SORCS1: variants seen among roughly 807,000 people sequenced by gnomAD.
SORCS1 encodes the protein sortilin related VPS10 domain containing receptor 1.
Under a neutral mutation model 146.1 loss-of-function variants are expected in SORCS1, and 60 were observed. The ratio of observed to expected loss-of-function variants is 0.41; its 90% CI spans 0.33 to 0.51. The LOEUF is 0.51. SORCS1 is among the 20% of genes least tolerant of loss of function. The pLI, the probability that SORCS1 is intolerant of heterozygous loss-of-function variation, is 0.21. For synonymous variants in SORCS1, 637 were observed against 584.0 expected, an observed-to-expected ratio of 1.09 and a Z score of -1.31; for missense variants, 1,352 against 1,487.6, an observed-to-expected ratio of 0.91 and a Z score of 1.50.
intron 1 of SORCS1, among the ~76,000 whole-genome samples, chr10:106,971,641 A>G (rs1435576588): frequency 6.6e-6 from 1 of 152,250 alleles, no homozygotes; most frequent in East Asian, 1.9e-4. Context: ...GAGTAGTTGT[A>G]AAACATGTCT....
intron 1 of SORCS1, among the ~76,000 whole-genome samples, chr10:107,066,856 T>C (rs1961917611): frequency 6.6e-6 from 1 of 152,196 alleles, no homozygotes. Context: ...GAAAATCATC[T>C]TTCTAGCCAT....
At chr10:106,806,880 C>T (rs1216030602) in intron 3 of SORCS1, among the ~76,000 whole-genome samples, 34 of 151,998 alleles carry the variant, frequency 2.2e-4, no homozygotes, top group Admixed American at 2.2e-3. Context: ...TGCATAATTG[C>T]TTGGCTCTTT....
At chr10:106,614,814 G>A (rs1438417111) in intron 21 of SORCS1, among the ~76,000 whole-genome samples, 5 of 152,274 alleles carry the variant, frequency 3.3e-5, no homozygotes, top group Admixed American at 2.6e-4. Flanking sequence ...GATGCGTGTG[G>A]GCGGACTGAA....
chr10:106,926,008 A>C (rs995192158), intron 2 of SORCS1, among the ~76,000 whole-genome samples: 1 of 152,232 alleles, frequency 6.6e-6, no homozygotes, highest in Admixed American at 6.5e-5. Context: ...GACACTTTGG[A>C]AGAAAAAAAA....
chr10:106,749,229 G>C (rs1393646667), intron 5 of SORCS1, among the ~76,000 whole-genome samples: 2 of 152,160 alleles, frequency 1.3e-5, no homozygotes, highest in African/African-American at 2.4e-5. Context: ...TTCCTTCCAA[G>C]ACTCATTTTA....
chr10:106,844,848 TG>T (rs1392038441), intron 2 of SORCS1, among the ~76,000 whole-genome samples: 1 of 148,758 alleles, frequency 6.7e-6, no homozygotes, highest in Admixed American at 6.7e-5. Context: ...TTTTTGTTCT[TG>T]CGATAGTTTA....
At chr10:106,625,173 G>A (rs1483217688) in intron 19 of SORCS1, among the ~76,000 whole-genome samples, 2 of 151,444 alleles carry the variant, frequency 1.3e-5, no homozygotes, top group African/African-American at 4.9e-5. Flanking sequence ...AACAACTGAC[G>A]CCCGTGAGGC....
chr10:106,741,991 C>T (rs972564040), intron 5 of SORCS1, among the ~76,000 whole-genome samples: 6 of 152,140 alleles, frequency 3.9e-5, no homozygotes, highest in Admixed American at 2.0e-4. Flanking sequence ...TCTTCTCTTG[C>T]TTTATGGTTG....
chr10:107,040,911 T>A (rs541503129), intron 1 of SORCS1, among the ~76,000 whole-genome samples: 1 of 152,108 alleles, frequency 6.6e-6, no homozygotes, highest in Admixed American at 6.6e-5. Flanking sequence ...AGAGAAATAA[T>A]CTCATACACA....
At chr10:106,809,291 T>G (rs535002276) in intron 3 of SORCS1, among the ~76,000 whole-genome samples, 1 of 152,140 alleles carries the variant, frequency 6.6e-6, no homozygotes, top group Non-Finnish European at 1.5e-5. Context: ...GAAATGAAGT[T>G]GACCTTGGGC....
intron 2 of SORCS1, among the ~76,000 whole-genome samples, chr10:106,839,073 T>C (rs1173512504): frequency 2.0e-5 from 3 of 152,040 alleles, no homozygotes; most frequent in Admixed American, 2.0e-4. Flanking sequence ...CTGAGATAAA[T>C]GATATTGAAA....
At chr10:107,105,578 G>C (rs553015770) in intron 1 of SORCS1, among the ~76,000 whole-genome samples, 1 of 152,304 alleles carries the variant, frequency 6.6e-6, no homozygotes, top group African/African-American at 2.4e-5. Context: ...AAAAGCTGAA[G>C]AACTTTGAGT....
intron 1 of SORCS1, among the ~76,000 whole-genome samples, chr10:107,121,750 T>C (rs1966426545): frequency 6.6e-6 from 1 of 152,188 alleles, no homozygotes; most frequent in Non-Finnish European, 1.5e-5. Flanking sequence ...AAAAACACAT[T>C]ATTTTCTTGT....
At position 106,849,864 on chromosome 10, in the gene SORCS1, C is replaced by T. The variant is rs1949472487; in HGVS notation, c.627-20191G>A. ...CCTGCCCTGTGAGGTGTCAGTGTGC[C>T]CCTGCTGGTGGGTGCCTCCCAGTTA... On this transcript the variant is annotated intron_variant, in intron 2 of 25. Transcript: ENST00000263054. 2.0e-5 allele frequency among the ~76,000 whole-genome samples: 3 copies of T among 152,044 alleles called. No homozygotes were observed. In the South Asian group the frequency reaches 6.3e-4, roughly 32 times the overall value.
chr10:106,773,398 C>T (rs1302014922), intron 4 of SORCS1, among the ~76,000 whole-genome samples: 1 of 152,178 alleles, frequency 6.6e-6, no homozygotes, highest in African/African-American at 2.4e-5. Context: ...TGGCCACAGA[C>T]CCTCTCAACT....
rs1961717293 is a variant in SORCS1, at chr10:107,065,472, C to CTTTT, written c.558+98496_558+98497insAAAA. 2.8e-3 allele frequency among the ~76,000 whole-genome samples: 165 copies of CTTTT among 59,536 alleles called. 4 individuals are homozygous for CTTTT. Among genetic ancestry groups the CTTTT allele is most frequent in the African/African-American group, 0.011 (157 of 14,360 alleles). The allele number at this position is 59,536 out of a possible 152,430, so 39.1% of individuals were successfully genotyped here. A position where few individuals can be genotyped will look rare whatever the true frequency, so the allele number is the denominator to read the frequency against. ...CTTTTCTCTCTTTCTCTCTCCCTCT[C>CTTTT]CTCTCCTCTCCTCTCCTCTCCTCTC... is the stretch of plus-strand genomic sequence containing the variant. On this transcript the variant is annotated intron_variant, in intron 1 of 25. Coordinates refer to ENST00000263054, the MANE Select transcript of SORCS1 (RefSeq NM_052918.5).
intron 1 of SORCS1, among the ~76,000 whole-genome samples, chr10:106,958,207 C>T (rs1564854325): frequency 6.6e-6 from 1 of 152,166 alleles, no homozygotes; most frequent in South Asian, 2.1e-4. Context: ...AAGGGAAAAA[C>T]ATTATGGGTT....
chr10:107,070,470 C>A (rs2134176137), intron 1 of SORCS1, among the ~76,000 whole-genome samples: 1 of 152,244 alleles, frequency 6.6e-6, no homozygotes, highest in South Asian at 2.1e-4. Flanking sequence ...TGAAAAATAA[C>A]AGAACAAAAT....
At chr10:106,774,426 A>AGT (rs3045083) in intron 4 of SORCS1, among the ~76,000 whole-genome samples, 42,470 of 147,568 alleles carry the variant, frequency 0.29, 6,084 homozygotes, top group Non-Finnish European at 0.34. Context: ...TAGGTTCCAA[A>AGT]GTGTGTGTGT....
Sources: allele counts gnomAD v4.1 joint callset (sites outside exome capture counted in the v4.1 genomes callset), GRCh38; gene constraint gnomAD v4.1.1; transcripts MANE v1.5; gene names NCBI Gene and HGNC (gene_info 2026-07-23, HGNC 2026-07-21).